The following NEK6 variants were observed in gnomAD, a reference collection of about 807,000 sequenced individuals.
NEK6 encodes the protein serine/threonine-protein kinase Nek6.
A neutral mutation model predicts 43.5 loss-of-function variants in NEK6; 27 were observed. The ratio of observed to expected loss-of-function variants is 0.62; its 90% CI spans 0.46 to 0.86. The LOEUF (loss-of-function observed/expected upper bound fraction) is 0.86, where lower values mean the gene tolerates loss of function less well. Ranked by LOEUF, NEK6 falls within the 40% of genes least tolerant of loss-of-function variation. The pLI is 0.00. For missense variants in NEK6, 318 were observed against 414.4 expected, an observed-to-expected ratio of 0.77 and a Z score of 2.02; for synonymous variants, 167 against 164.1, an observed-to-expected ratio of 1.02 and a Z score of -0.14.
At chr9:124,303,439 C>T (rs1833097334) in intron 2 of NEK6, among the ~76,000 whole-genome samples, 1 of 152,218 alleles carries the variant, frequency 6.6e-6, no homozygotes, top group African/African-American at 2.4e-5. Context: ...GCTAAGGAGG[C>T]AGGTAGGTCT....
chr9:124,347,800 C>G lies in NEK6; in HGVS notation c.809C>G (p.Pro270Arg). The G allele has an allele frequency of 6.2e-7, 1 of 1,611,618 alleles. No homozygotes were observed. Among genetic ancestry groups the G allele is most frequent in the Non-Finnish European group, 8.5e-7 (1 of 1,178,134 alleles). Reference protein sequence around the residue: ...KIEQCDYPPLPGEHYSEKLRE... With the variant: ...KIEQCDYPPLRGEHYSEKLRE... The stretch of plus-strand genomic sequence containing the variant: ...GAGCAGTGTGACTACCCCCCACTCC[C>G]CGGGGAGCACTACTCCGAGAAGGTG... Residue 270 changes from proline to arginine, a missense_variant, in exon 9 of 10, where the codon CCC (proline) becomes CGC (arginine). This residue lies in a region of NEK6 where 79 missense variants were observed against 70.0 expected (regional missense o/e 1.13). Transcript: ENST00000320246.
At chr9:124,265,612 A>G (rs1588434763) in intron 1 of NEK6, 1 of 152,164 alleles carries the variant, frequency 6.6e-6, no homozygotes, top group Admixed American at 6.5e-5. Flanking sequence ...AGACATCATG[A>G]CCAGCCTCAG....
Position 124,326,204 on chromosome 9 carries a change from C to CCT in NEK6, c.406-125_406-124insTC. Reference sequence around the variant, plus strand: ...TTATTGTTTGCTCAGTGGCTCAATCCCCCCCCCCCGCCCCTGCCAGGCACC... The same window carrying CCT: ...TTATTGTTTGCTCAGTGGCTCAATCCCTCCCCCCCCCGCCCCTGCCAGGCACC... On this transcript the variant is annotated intron_variant, in intron 5 of 9. Coordinates refer to ENST00000320246, the MANE Select transcript of NEK6 (RefSeq NM_014397.6). This position sits in a 1 kb window ranked among gnomAD's most constrained non-coding sequence, Gnocchi z 4.5. The CCT allele has an allele frequency of 1.3e-5, 1 of 77,490 alleles. No individual in the cohort carries two copies. Among genetic ancestry groups the CCT allele is most frequent in the Non-Finnish European group, 2.3e-5 (1 of 42,922 alleles). 4.8% of individuals were successfully genotyped at this position (77,490 alleles called of 1,614,324 possible). A position where few individuals can be genotyped will look rare whatever the true frequency, so the allele number is the denominator to read the frequency against.
chr9:124,330,746 G>A (rs1489930083), intron 7 of NEK6, among the ~76,000 whole-genome samples: 4 of 152,200 alleles, frequency 2.6e-5, no homozygotes, highest in Non-Finnish European at 4.4e-5. Flanking sequence ...GACAGACACA[G>A]TCCATGCCAG....
At chr9:124,304,348 A>G (rs950516624) in intron 2 of NEK6, among the ~76,000 whole-genome samples, 1 of 152,216 alleles carries the variant, frequency 6.6e-6, no homozygotes, top group Admixed American at 6.5e-5. Context: ...AACCATCCTC[A>G]GAGGAAGGAG....
At chr9:124,288,242 A>G (rs577595518) in intron 1 of NEK6, among the ~76,000 whole-genome samples, 1 of 152,324 alleles carries the variant, frequency 6.6e-6, no homozygotes, top group Non-Finnish European at 1.5e-5. Flanking sequence ...TGATAACAGG[A>G]ATCATAACAG....
At chr9:124,338,349 C>T (rs1829396477) in intron 7 of NEK6, among the ~76,000 whole-genome samples, 1 of 152,192 alleles carries the variant, frequency 6.6e-6, no homozygotes, top group Non-Finnish European at 1.5e-5. Context: ...GCTTCTTGGC[C>T]ACTGGGATAT....
In NEK6 at chr9:124,353,285, G is replaced by C. The variant is rs1830346200; in HGVS notation, c.*2338G>C. On this transcript the variant is annotated 3_prime_UTR_variant, in exon 10 of 10. Coordinates refer to ENST00000320246, the MANE Select transcript of NEK6 (RefSeq NM_014397.6). Reference sequence around the variant, plus strand: ...TCGATGGTCACCTGAAGCCTCAAGGGAGTCCACTCTGACTTCTGACAGCAG... The same window carrying C: ...TCGATGGTCACCTGAAGCCTCAAGGCAGTCCACTCTGACTTCTGACAGCAG... 2 of 368,374 alleles carry C rather than the reference G, an allele frequency of 5.4e-6. No individual in the cohort carries two copies. Among genetic ancestry groups the C allele is most frequent in the Non-Finnish European group, 9.8e-6 (2 of 203,436 alleles). 22.8% of individuals were successfully genotyped at this position (368,374 alleles called of 1,614,324 possible). A position where few individuals can be genotyped will look rare whatever the true frequency, so the allele number is the denominator to read the frequency against.
intron 1 of NEK6, among the ~76,000 whole-genome samples, chr9:124,298,403 A>T (rs1564630331): frequency 6.6e-6 from 1 of 151,966 alleles, no homozygotes; most frequent in Admixed American, 6.6e-5. Context: ...GCAGCTCGTA[A>T]TGACTGGGGT....
intron 1 of NEK6, among the ~76,000 whole-genome samples, chr9:124,288,819 C>A (rs1169685173): frequency 1.3e-5 from 2 of 151,888 alleles, no homozygotes; most frequent in African/African-American, 4.9e-5. Context: ...CTCTCAGACC[C>A]CTGAGCTTGC....
chr9:124,305,901 T>C (rs1040029617), intron 2 of NEK6, among the ~76,000 whole-genome samples: 3 of 152,184 alleles, frequency 2.0e-5, no homozygotes, highest in African/African-American at 4.8e-5. Context: ...AAAGAATGTA[T>C]GGTGTTTATG....
intron 9 of NEK6, among the ~76,000 whole-genome samples, chr9:124,349,513 T>G (rs946740739): frequency 2.6e-5 from 4 of 152,172 alleles, no homozygotes; most frequent in African/African-American, 9.7e-5. Context: ...CCGGGCCCCA[T>G]GCTTAGGAGT....
intron 1 of NEK6, among the ~76,000 whole-genome samples, chr9:124,294,815 G>A (rs1220581813): frequency 6.6e-6 from 1 of 152,208 alleles, no homozygotes; most frequent in East Asian, 1.9e-4. Flanking sequence ...TGTGTGTTAG[G>A]AAAACCTTTC....
At position 124,346,344 on chromosome 9, in the gene NEK6, A is replaced by G. The variant is rs114509713; in HGVS notation, c.718-1365A>G. ...ATGGACGAACACAGAATGGGGCAAG[A>G]CCAGGAAACCCAAGCTGACGGGCAC... On this transcript the variant is annotated intron_variant, in intron 8 of 9. Coordinates refer to ENST00000320246, the MANE Select transcript of NEK6 (RefSeq NM_014397.6). Among the ~76,000 whole-genome samples, 1,140 of 152,256 alleles carry G rather than the reference A, an allele frequency of 7.5e-3. 14 individuals are homozygous for G. The highest frequency in any genetic ancestry group is 0.025 in the African/African-American group (1,051 of 41,548).
At chr9:124,257,710 G>A, upstream of NEK6, 2 of 1,533,570 alleles carry the variant, frequency 1.3e-6, no homozygotes, top group Non-Finnish European at 1.7e-6. Flanking sequence ...GGGAGACGCC[G>A]GCCTGCGCCC....
At chr9:124,302,787 T>TG (rs1265846348) in intron 2 of NEK6, among the ~76,000 whole-genome samples, 3 of 152,254 alleles carry the variant, frequency 2.0e-5, no homozygotes, top group Non-Finnish European at 4.4e-5. Context: ...ACCTGGGTGA[T>TG]GCCCGTGATC....
chr9:124,346,159 C>T (rs1183895615), intron 8 of NEK6, among the ~76,000 whole-genome samples: 1 of 152,192 alleles, frequency 6.6e-6, no homozygotes, highest in Non-Finnish European at 1.5e-5. Context: ...CTCCTGGTCC[C>T]GAGGGTGCTG....
At chr9:124,294,234 T>G (rs758290956) in intron 1 of NEK6, among the ~76,000 whole-genome samples, 2 of 152,140 alleles carry the variant, frequency 1.3e-5, no homozygotes, top group Non-Finnish European at 2.9e-5. Context: ...GGCGTGATGG[T>G]GTGTGCTTAT....
chr9:124,287,908 A>G (rs1832233694), intron 1 of NEK6, among the ~76,000 whole-genome samples: 1 of 152,242 alleles, frequency 6.6e-6, no homozygotes, highest in Non-Finnish European at 1.5e-5. Flanking sequence ...CACAATCGTC[A>G]TGTAAATATA....
Sources: gnomAD v4.1 joint callset for allele counts (sites outside exome capture counted in the v4.1 genomes callset) on GRCh38, gnomAD v4.1.1 for gene constraint, gnomAD v4.1.1 regional missense constraint, Gnocchi (gnomAD v3.1) non-coding constraint, MANE v1.5 for transcripts, NCBI Gene and HGNC (gene_info 2026-07-23, HGNC 2026-07-21) for gene names.